CTNNA3: variants seen among roughly 807,000 people sequenced by gnomAD.
CTNNA3 encodes the protein catenin alpha 3.
A neutral mutation model predicts 95.7 loss-of-function variants in CTNNA3; 76 were observed. The observed-to-expected ratio is 0.79, with a 90% confidence interval of 0.66 to 0.96. CTNNA3 has a LOEUF of 0.96. Ranked by LOEUF, CTNNA3 falls within the 40% of genes least tolerant of loss-of-function variation. The pLI is 0.00. For missense variants in CTNNA3, 1,191 were observed against 1,089.8 expected, an observed-to-expected ratio of 1.09 and a Z score of -1.31; for synonymous variants, 431 against 374.4, an observed-to-expected ratio of 1.15 and a Z score of -1.74.
intron 7 of CTNNA3, among the ~76,000 whole-genome samples, chr10:66,977,417 A>G (rs1850111821): frequency 7.5e-6 from 1 of 134,216 alleles, no homozygotes; most frequent in East Asian, 2.3e-4. Flanking sequence ...GCCTGGCGAT[A>G]GAGTGAAACT....
chr10:67,332,512 C>T (rs1368024858), intron 5 of CTNNA3, among the ~76,000 whole-genome samples: 2 of 152,142 alleles, frequency 1.3e-5, no homozygotes, highest in Non-Finnish European at 2.9e-5. Context: ...TAGTGATCCA[C>T]ATTTTTAAAT....
intron 3 of CTNNA3, among the ~76,000 whole-genome samples, chr10:67,583,873 C>T (rs1266775846): frequency 1.3e-5 from 2 of 152,258 alleles, no homozygotes; most frequent in South Asian, 2.1e-4. Context: ...CTTGTGCATT[C>T]GTCACGTAGT....
chr10:66,739,999 T>C (rs937341451), intron 9 of CTNNA3, among the ~76,000 whole-genome samples: 2 of 152,152 alleles, frequency 1.3e-5, no homozygotes, highest in African/African-American at 4.8e-5. Flanking sequence ...GGGAATGGAG[T>C]AGGAAAGGTG....
chr10:66,760,681 G>T (rs370282029), intron 9 of CTNNA3, among the ~76,000 whole-genome samples: 4 of 152,182 alleles, frequency 2.6e-5, no homozygotes, highest in Middle Eastern at 3.4e-3. Context: ...TCCAAAGACC[G>T]TAAGTAGAAA....
chr10:66,595,031 G>A (rs931195564), intron 10 of CTNNA3, among the ~76,000 whole-genome samples: 1 of 151,980 alleles, frequency 6.6e-6, no homozygotes, highest in Non-Finnish European at 1.5e-5. Flanking sequence ...CGAGATTGTG[G>A]AACTGGAGAT....
At chr10:66,487,602 A>G (rs184498509) in intron 11 of CTNNA3, among the ~76,000 whole-genome samples, 3 of 152,246 alleles carry the variant, frequency 2.0e-5, no homozygotes, top group East Asian at 3.9e-4. Flanking sequence ...TAATGAATGT[A>G]TTAATTAATT....
chr10:67,380,935 A>T (rs1019996326), intron 5 of CTNNA3, among the ~76,000 whole-genome samples: 13 of 152,212 alleles, frequency 8.5e-5, no homozygotes, highest in Admixed American at 7.2e-4. Context: ...TAATACCAAG[A>T]ATTAGAATCC....
chr10:67,437,613 A>C (rs981640315), intron 5 of CTNNA3, among the ~76,000 whole-genome samples: 1 of 152,250 alleles, frequency 6.6e-6, no homozygotes, highest in South Asian at 2.1e-4. Context: ...TTGAGTTGTA[A>C]TATAAATTAG....
intron 13 of CTNNA3, among the ~76,000 whole-genome samples, chr10:66,185,378 T>G (rs898187868): frequency 6.6e-6 from 1 of 152,056 alleles, no homozygotes. Flanking sequence ...CTTTTAAAAA[T>G]GCTTCAAAGA....
intron 7 of CTNNA3, among the ~76,000 whole-genome samples, chr10:66,895,509 C>T (rs1394731926): frequency 6.6e-6 from 1 of 151,964 alleles, no homozygotes; most frequent in African/African-American, 2.4e-5. Context: ...TTATCTTCAC[C>T]TTTATTATCT....
At position 67,577,003 on chromosome 10, in the gene CTNNA3, A is replaced by G. The variant is rs61866953; in HGVS notation, c.292+29854T>C. 6.3e-3 allele frequency among the ~76,000 whole-genome samples: 943 copies of G among 148,510 alleles called. 6 individuals are homozygous for G. Among genetic ancestry groups the G allele is most frequent in the Non-Finnish European group, 9.9e-3 (669 of 67,730 alleles). On this transcript the variant is annotated intron_variant, in intron 3 of 17. Transcript: ENST00000433211. ...AGTCTTTGCTCTTGTGAAGAGTGCCACAATAAACATACGTGTGCATGTGTC... is the reference window on the plus strand; with the variant it reads ...AGTCTTTGCTCTTGTGAAGAGTGCCGCAATAAACATACGTGTGCATGTGTC...
chr10:67,179,017 A>C (rs553554189), intron 7 of CTNNA3, among the ~76,000 whole-genome samples: 9 of 152,132 alleles, frequency 5.9e-5, no homozygotes, highest in African/African-American at 9.7e-5. Context: ...GTCATCAAAT[A>C]TTAAGAGTAT....
rs753973882 is a variant in CTNNA3 at position 66,553,517 on chromosome 10, C to CTTTTTTTTT, written c.1375-32753_1375-32745dup. On this transcript the variant is annotated intron_variant, in intron 10 of 17. Transcript: ENST00000433211. ...AGATCTAATGATGAACAATACTTTT[C>CTTTTTTTTT]TTTTTTTTTTTTTTTTTTTTTTTTT... Among the ~76,000 whole-genome samples, 10 of 52,214 alleles carry CTTTTTTTTT rather than the reference C, an allele frequency of 1.9e-4. 2 individuals are homozygous for CTTTTTTTTT. The highest frequency in any genetic ancestry group is 5.3e-4 in the African/African-American group (6 of 11,262). The allele number at this position is 52,214 out of a possible 152,430, so 34.3% of individuals were successfully genotyped here.
At chr10:66,299,404 C>T (rs1277176941) in intron 12 of CTNNA3, among the ~76,000 whole-genome samples, 5 of 151,878 alleles carry the variant, frequency 3.3e-5, no homozygotes, top group Non-Finnish European at 7.4e-5. Context: ...TTTTTAAATC[C>T]TCAGAAATTA....
intron 5 of CTNNA3, among the ~76,000 whole-genome samples, chr10:67,343,955 A>G (rs543263706): frequency 6.7e-5 from 10 of 148,152 alleles, no homozygotes; most frequent in Admixed American, 4.1e-4. Flanking sequence ...ATTATACTTT[A>G]TTTTATTATA....
chr10:66,584,331 G>A (rs1388601144), intron 10 of CTNNA3, among the ~76,000 whole-genome samples: 3 of 151,774 alleles, frequency 2.0e-5, no homozygotes, highest in Non-Finnish European at 3.0e-5. Flanking sequence ...TTTAGACCTG[G>A]TAGGAATTGC....
chr10:66,542,314 TGTG>T (rs1841882840), intron 10 of CTNNA3, among the ~76,000 whole-genome samples: 1 of 152,088 alleles, frequency 6.6e-6, no homozygotes, highest in African/African-American at 2.4e-5. Context: ...GTTCAACCAT[TGTG>T]GAAGACAGTG....
At chr10:67,555,412 A>T (rs960499637) in intron 3 of CTNNA3, among the ~76,000 whole-genome samples, 3 of 151,904 alleles carry the variant, frequency 2.0e-5, no homozygotes, top group East Asian at 1.9e-4. Context: ...CATTTGTTTG[A>T]GTCCTCTTTT....
chr10:66,253,571 C>A (rs1339486747), intron 13 of CTNNA3, among the ~76,000 whole-genome samples: 2 of 152,206 alleles, frequency 1.3e-5, no homozygotes, highest in East Asian at 3.9e-4. Flanking sequence ...ACTGCTGTAT[C>A]TCAGTAGCAG....
Sources: gnomAD v4.1 joint callset for allele counts (sites outside exome capture counted in the v4.1 genomes callset) on GRCh38, gnomAD v4.1.1 for gene constraint, MANE v1.5 for transcripts, NCBI Gene and HGNC (gene_info 2026-07-23, HGNC 2026-07-21) for gene names.